Variants in PIK3CB observed in about 807,000 individuals in gnomAD.
The protein encoded by PIK3CB is phosphatidylinositol-4,5-bisphosphate 3-kinase catalytic subunit beta.
PIK3CB carries 39 observed loss-of-function variants against 136.8 expected under a neutral mutation model. That is an observed-to-expected ratio of 0.29 (90% CI 0.22 to 0.37). PIK3CB has a LOEUF of 0.37. Among genes scored for constraint, PIK3CB ranks in the 10% least tolerant of loss-of-function variants. The pLI, the probability that PIK3CB is intolerant of heterozygous loss-of-function variation, is 1.00. For synonymous variants in PIK3CB, 428 were observed against 436.6 expected (o/e 0.98, Z 0.25); for missense variants, 868 against 1,275.4 (o/e 0.68, Z 4.87).
chr3:138,829,098 G>A (rs1315253509), intron 1 of PIK3CB, among the ~76,000 whole-genome samples: 1 of 151,382 alleles, frequency 6.6e-6, no homozygotes, highest in Admixed American at 6.6e-5. Flanking sequence ...CTCCGTGTCC[G>A]GCCAAATTTT....
chr3:138,820,045 C>G (rs1933491750), intron 1 of PIK3CB, among the ~76,000 whole-genome samples: 1 of 152,142 alleles, frequency 6.6e-6, no homozygotes, highest in African/African-American at 2.4e-5. Flanking sequence ...TCCACTGTTA[C>G]GGACTAAAAC....
At chr3:138,746,705 T>A (rs1001669161) in intron 4 of PIK3CB, among the ~76,000 whole-genome samples, 3 of 151,578 alleles carry the variant, frequency 2.0e-5, no homozygotes, top group African/African-American at 7.3e-5. Flanking sequence ...TAAATAAAAA[T>A]AAAATTGTCA....
intron 2 of PIK3CB, among the ~76,000 whole-genome samples, chr3:138,764,747 T>G (rs1330531874): frequency 1.2e-4 from 18 of 152,192 alleles, no homozygotes; most frequent in Admixed American, 1.2e-3. Context: ...CCTCCTACTT[T>G]AAACAGATTA....
chr3:138,711,706 T>C (rs1412315629), intron 10 of PIK3CB, among the ~76,000 whole-genome samples: 1 of 151,732 alleles, frequency 6.6e-6, no homozygotes, highest in Non-Finnish European at 1.5e-5. Flanking sequence ...ATAGCGAGAC[T>C]AGACAATCTC....
chr3:138,702,588 G>C (rs1481864870), intron 12 of PIK3CB, among the ~76,000 whole-genome samples: 1 of 152,118 alleles, frequency 6.6e-6, no homozygotes, highest in Non-Finnish European at 1.5e-5. Flanking sequence ...ACAGGCACTT[G>C]AACCAAGACC....
intron 6 of PIK3CB, among the ~76,000 whole-genome samples, chr3:138,736,591 G>T (rs2045109911): frequency 2.6e-5 from 4 of 152,226 alleles, no homozygotes; most frequent in South Asian, 2.1e-4. Context: ...TTACTTGAAG[G>T]CAAAGCCAAG....
At chr3:138,814,661 G>C (rs9879784) in intron 1 of PIK3CB, among the ~76,000 whole-genome samples, 52,705 of 151,584 alleles carry the variant, frequency 0.35, 10,630 homozygotes, top group Non-Finnish European at 0.46. Flanking sequence ...CTTTGTCTCT[G>C]TCTCCACATA....
intron 2 of PIK3CB, among the ~76,000 whole-genome samples, chr3:138,776,992 T>G (rs2045866737): frequency 6.6e-6 from 1 of 151,742 alleles, no homozygotes; most frequent in East Asian, 1.9e-4. Context: ...AAAAAAATTG[T>G]GATTACACGA....
intron 1 of PIK3CB, among the ~76,000 whole-genome samples, 189 bp downstream of exon 1, chr3:138,834,506 C>G (rs144442634): frequency 1.3e-5 from 2 of 152,190 alleles, no homozygotes; most frequent in Non-Finnish European, 2.9e-5. Context: ...AAGCCAGACG[C>G]CCCCACCGGC....
intron 19 of PIK3CB, among the ~76,000 whole-genome samples, chr3:138,674,658 T>C (rs2043607555): frequency 6.6e-6 from 1 of 152,182 alleles, no homozygotes; most frequent in South Asian, 2.1e-4. Context: ...AAAAATGCAT[T>C]CAATGAAACC....
Position 138,747,089 on chromosome 3 carries a change from T to TAC in PIK3CB, c.398-4309_398-4308insGT, listed in dbSNP as rs1298110101. ...ATATATATATATATATATATATATA[T>TAC]ATATATATATATATATATATATATG... On this transcript the variant is annotated intron_variant, in intron 4 of 23. Coordinates refer to ENST00000674063, the MANE Select transcript of PIK3CB (RefSeq NM_006219.3). Among the ~76,000 whole-genome samples, 37 of 85,308 alleles carry TAC rather than the reference T, an allele frequency of 4.3e-4. 1 individual carries two copies. Among genetic ancestry groups the TAC allele is most frequent in the African/African-American group, 1.7e-3 (34 of 20,434 alleles). 56.0% of individuals were successfully genotyped at this position (85,308 alleles called of 152,430 possible). A position where few individuals can be genotyped will look rare whatever the true frequency, so the allele number is the denominator to read the frequency against.
intron 14 of PIK3CB, among the ~76,000 whole-genome samples, chr3:138,691,926 C>T (rs766596344): frequency 6.6e-6 from 1 of 152,160 alleles, no homozygotes; most frequent in Non-Finnish European, 1.5e-5. Flanking sequence ...TTTTCCTTTG[C>T]TGTTATTAGG....
chr3:138,774,782 T>C (rs1355563366), intron 2 of PIK3CB, among the ~76,000 whole-genome samples: 1 of 152,230 alleles, frequency 6.6e-6, no homozygotes, highest in African/African-American at 2.4e-5. Context: ...GAATTTTAAA[T>C]AGCTTACAGC....
intron 1 of PIK3CB, chr3:138,826,084 A>G: frequency 9.3e-7 from 1 of 1,079,310 alleles, no homozygotes; most frequent in South Asian, 1.3e-5. Context: ...AAGATTGATC[A>G]CCATTCTAGT....
intron 20 of PIK3CB, 63 bp from the exon 21 acceptor site, chr3:138,664,092 C>A (rs2043356501): frequency 2.6e-6 from 4 of 1,564,078 alleles, no homozygotes; most frequent in Non-Finnish European, 2.6e-6. Flanking sequence ...TAGAGTGAGA[C>A]CCAAACCATA....
chr3:138,704,411 A>G (rs1419215827), intron 12 of PIK3CB, 32 bp downstream of exon 12: 2 of 1,459,544 alleles, frequency 1.4e-6, no homozygotes, highest in Non-Finnish European at 9.6e-7. Context: ...CAACTCCATA[A>G]GAAAGGGCCA....
rs185417172 is a variant in PIK3CB, at chr3:138,712,128, G to C, written c.1399+80C>G. 3.1e-4 allele frequency: 175 copies of C among 567,730 alleles called. 1 individual carries two copies. The East Asian group carries it at 5.4e-3, about 17-fold the overall frequency. The allele number at this position is 567,730 out of a possible 1,614,324, so 35.2% of individuals were successfully genotyped here. A position where few individuals can be genotyped will look rare whatever the true frequency, so the allele number is the denominator to read the frequency against. On this transcript the variant is annotated intron_variant, in intron 10 of 23. Transcript: ENST00000674063. The stretch of plus-strand genomic sequence containing the variant: ...ATTTTATTTATTAAATTGAAAGAAC[G>C]GTGATTCATAAATATTACCTAGTCC...
intron 8 of PIK3CB, among the ~76,000 whole-genome samples, chr3:138,724,543 T>C (rs189502088): frequency 5.8e-4 from 88 of 152,314 alleles, no homozygotes; most frequent in African/African-American, 2.0e-3. Context: ...GAAGTCCCGG[T>C]GTGGAGCTGA....
intron 8 of PIK3CB, among the ~76,000 whole-genome samples, chr3:138,730,511 ATT>A (rs2044947142): frequency 6.6e-6 from 1 of 152,234 alleles, no homozygotes; most frequent in Non-Finnish European, 1.5e-5. Context: ...AGAAATTCCC[ATT>A]TGTTACTACG....
Sources: allele counts gnomAD v4.1 joint callset (sites outside exome capture counted in the v4.1 genomes callset), GRCh38; gene constraint gnomAD v4.1.1; transcripts MANE v1.5; gene names NCBI Gene and HGNC (gene_info 2026-07-23, HGNC 2026-07-21).